BCAS3: variants seen among roughly 807,000 people sequenced by gnomAD.
BCAS3 encodes the protein BCAS4/BCAS3 fusion.
Under a neutral mutation model 116.1 loss-of-function variants are expected in BCAS3, and 53 were observed. The observed-to-expected ratio is 0.46, with a 90% confidence interval of 0.37 to 0.57. The LOEUF (loss-of-function observed/expected upper bound fraction) is 0.57, where lower values mean the gene tolerates loss of function less well. Among genes scored for constraint, BCAS3 ranks in the 20% least tolerant of loss-of-function variants. The pLI, the probability that BCAS3 is intolerant of heterozygous loss-of-function variation, is 0.00. For missense variants in BCAS3, 917 were observed against 1,165.4 expected (o/e 0.79, Z 3.10); for synonymous variants, 391 against 408.2 (o/e 0.96, Z 0.51).
chr17:60,731,321 T>G (rs1361967593), intron 5 of BCAS3, among the ~76,000 whole-genome samples: 1 of 152,250 alleles, frequency 6.6e-6, no homozygotes, highest in African/African-American at 2.4e-5. Flanking sequence ...CAAGTAATTC[T>G]CGTGCCTCAG....
At chr17:60,726,042 T>C (rs2039805036) in intron 5 of BCAS3, among the ~76,000 whole-genome samples, 1 of 150,624 alleles carries the variant, frequency 6.6e-6, no homozygotes. Context: ...ATTACAGGCA[T>C]GCACCACCAC....
In BCAS3 at chr17:60,841,631, C is replaced by T. The variant is rs767554216; in HGVS notation, c.477-26945C>T. ...TCCTGACCTCGTGATCCGCCCGCCT[C>T]GGCCTCCCAAAGTGCTGGGATTACA... On this transcript the variant is annotated intron_variant, in intron 7 of 23. Coordinates refer to ENST00000407086, the MANE Select transcript of BCAS3 (RefSeq NM_017679.5). 9.0e-4 allele frequency among the ~76,000 whole-genome samples: 136 copies of T among 151,070 alleles called. 1 individual carries two copies. Among genetic ancestry groups the T allele is most frequent in the East Asian group, 7.8e-4 (4 of 5,144 alleles).
intron 7 of BCAS3, chr17:60,851,429 G>A (rs938348008): frequency 2.2e-6 from 1 of 444,772 alleles, no homozygotes; most frequent in East Asian, 6.7e-5. Flanking sequence ...CCAAGGAAGA[G>A]GCCAAGAGGA....
At chr17:61,386,230 G>C (rs1426570271) in intron 23 of BCAS3, among the ~76,000 whole-genome samples, 44 of 152,204 alleles carry the variant, frequency 2.9e-4, no homozygotes, top group Admixed American at 2.8e-3. Flanking sequence ...CAGGTGGCCA[G>C]GGGGTGTGCT....
intron 6 of BCAS3, among the ~76,000 whole-genome samples, chr17:60,778,257 T>C (rs185993236): frequency 6.6e-6 from 1 of 152,244 alleles, no homozygotes; most frequent in Admixed American, 6.5e-5. Context: ...TTAGCGTCTC[T>C]TGTCTAGAAT....
rs1426871779 is a variant in BCAS3 at position 61,298,884 on chromosome 17, G to A, written c.2426-69443G>A. 4.1e-4 allele frequency among the ~76,000 whole-genome samples: 62 copies of A among 151,640 alleles called. 1 individual carries two copies. The highest frequency in any genetic ancestry group is 1.4e-4 in the African/African-American group (6 of 41,424). On this transcript the variant is annotated intron_variant, in intron 22 of 23. Transcript: ENST00000407086. ...GTCGCCTAGGCTGGAGTGCAGTGGC[G>A]CAATCTTGGCTCACTGCAATCTCTG... is the stretch of plus-strand genomic sequence containing the variant.
chr17:61,160,991 C>G (rs2078138156), intron 22 of BCAS3, among the ~76,000 whole-genome samples: 1 of 152,142 alleles, frequency 6.6e-6, no homozygotes, highest in Non-Finnish European at 1.5e-5. Context: ...GATAAAGTGG[C>G]CTTCCTCTTC....
intron 7 of BCAS3, among the ~76,000 whole-genome samples, chr17:60,825,548 A>ATTT (rs2050325338): frequency 2.5e-5 from 3 of 119,616 alleles, no homozygotes; most frequent in South Asian, 4.3e-4. Flanking sequence ...ATAAATAATT[A>ATTT]TTTATAATAA....
chr17:61,075,179 G>A (rs1355146894), intron 20 of BCAS3, among the ~76,000 whole-genome samples, 159 bp downstream of exon 20: 1 of 152,026 alleles, frequency 6.6e-6, no homozygotes, highest in Non-Finnish European at 1.5e-5. Context: ...CACAAATATT[G>A]CTGCAGGTGT....
At chr17:61,202,774 A>C (rs750776487) in intron 22 of BCAS3, among the ~76,000 whole-genome samples, 1 of 152,238 alleles carries the variant, frequency 6.6e-6, no homozygotes, top group Non-Finnish European at 1.5e-5. Context: ...ACTCAAAAGC[A>C]TGTCTTGTTG....
chr17:60,706,359 C>T lies in BCAS3; in HGVS notation c.215-2860C>T, dbSNP rs553445711. Among the ~76,000 whole-genome samples the T allele has an allele frequency of 2.6e-5, 4 of 152,262 alleles. No homozygotes were observed. In the South Asian group the frequency reaches 8.3e-4, roughly 32 times the overall value. On this transcript the variant is annotated intron_variant, in intron 4 of 23. Coordinates refer to ENST00000407086, the MANE Select transcript of BCAS3 (RefSeq NM_017679.5). ...GATTACAGGCCTGAGCTACCGCACC[C>T]AGCAGGATGCAGACTTTTTTTGATG...
At chr17:60,725,737 G>A (rs2039759114) in intron 5 of BCAS3, among the ~76,000 whole-genome samples, 2 of 152,322 alleles carry the variant, frequency 1.3e-5, no homozygotes, top group African/African-American at 4.8e-5. Context: ...CAGTAGTGCT[G>A]AGGTTGAAAA....
At chr17:61,353,385 AG>A (rs1365140413) in intron 22 of BCAS3, among the ~76,000 whole-genome samples, 1 of 151,934 alleles carries the variant, frequency 6.6e-6, no homozygotes, top group Admixed American at 6.6e-5. Flanking sequence ...CGGTCTGGGG[AG>A]GGGTCTGAGC....
At chr17:61,319,335 A>G (rs1333385334) in intron 22 of BCAS3, among the ~76,000 whole-genome samples, 2 of 152,184 alleles carry the variant, frequency 1.3e-5, no homozygotes, top group African/African-American at 4.8e-5. Context: ...CACCCCCTAC[A>G]TTAAACTCCA....
Position 61,203,354 on chromosome 17 carries a change from C to T in BCAS3, c.2425+118790C>T, listed in dbSNP as rs916915976. 6.6e-5 allele frequency among the ~76,000 whole-genome samples: 10 copies of T among 152,032 alleles called. No individual in the cohort carries two copies. The highest frequency in any genetic ancestry group is 2.0e-4 in the Admixed American group (3 of 15,262). ...TGTATTATTAGTAGAAACAGGGTTTCGCCATGTTGGTCAGGCTGGTTTCAA... is the reference window on the plus strand; with the variant it reads ...TGTATTATTAGTAGAAACAGGGTTTTGCCATGTTGGTCAGGCTGGTTTCAA... On this transcript the variant is annotated intron_variant, in intron 22 of 23. Transcript: ENST00000407086. This position sits in a 1 kb window ranked among gnomAD's most constrained non-coding sequence, Gnocchi z 5.7.
Position 61,221,996 on chromosome 17 carries a change from G to A in BCAS3, c.2425+137432G>A, listed in dbSNP as rs149202205. On this transcript the variant is annotated intron_variant, in intron 22 of 23. Transcript: ENST00000407086. Reference sequence around the variant, plus strand: ...CAGTATGGCACAGTACCTGGCACACGGTGACGTGCTTAACAGGGGCTGATA... The same window carrying A: ...CAGTATGGCACAGTACCTGGCACACAGTGACGTGCTTAACAGGGGCTGATA... Among the ~76,000 whole-genome samples, 365 of 152,272 alleles carry A rather than the reference G, an allele frequency of 2.4e-3. 2 individuals are homozygous for A. The highest frequency in any genetic ancestry group is 8.4e-3 in the African/African-American group (351 of 41,544).
In BCAS3 at chr17:61,037,617, C is replaced by G. The variant is rs1210639150; in HGVS notation, c.1763-272C>G. On this transcript the variant is annotated intron_variant, in intron 17 of 23. Coordinates refer to ENST00000407086, the MANE Select transcript of BCAS3 (RefSeq NM_017679.5). This position sits in a 1 kb window ranked among gnomAD's most constrained non-coding sequence, Gnocchi z 4.7. ...CGAAACCCTATCTCTACTAAAAATACAAAAATTAGCCGGGTGTGGTGACAG... is the reference window on the plus strand; with the variant it reads ...CGAAACCCTATCTCTACTAAAAATAGAAAAATTAGCCGGGTGTGGTGACAG... Among the ~76,000 whole-genome samples the G allele has an allele frequency of 6.6e-6, 1 of 152,078 alleles. No individual in the cohort carries two copies. Among genetic ancestry groups the G allele is most frequent in the African/African-American group, 2.4e-5 (1 of 41,392 alleles).
At chr17:60,774,597 G>C (rs2045088759) in intron 6 of BCAS3, among the ~76,000 whole-genome samples, 1 of 152,094 alleles carries the variant, frequency 6.6e-6, no homozygotes, top group African/African-American at 2.4e-5. Context: ...AAACTACTTG[G>C]CAATAATTTT....
rs1032195388 is a variant in BCAS3 at position 60,861,611 on chromosome 17, C to T, written c.477-6965C>T. ...TTTCCAGTTTTTGCCTGTTCGGTAT[C>T]GTGTTGGCTGTGGGTTTGTCATAGA... On this transcript the variant is annotated intron_variant, in intron 7 of 23. Transcript: ENST00000407086. 5.3e-5 allele frequency among the ~76,000 whole-genome samples: 8 copies of T among 151,934 alleles called. No individual in the cohort carries two copies. The East Asian group carries it at 7.7e-4, about 15-fold the overall frequency.
Sources: allele counts gnomAD v4.1 joint callset (sites outside exome capture counted in the v4.1 genomes callset), GRCh38; gene constraint gnomAD v4.1.1; non-coding constraint Gnocchi (gnomAD v3.1); transcripts MANE v1.5; gene names NCBI Gene and HGNC (gene_info 2026-07-23, HGNC 2026-07-21).